Variants in ERBB4 observed in about 807,000 individuals in gnomAD.
ERBB4 encodes the protein erb-b2 receptor tyrosine kinase 4.
A neutral mutation model predicts 158.0 loss-of-function variants in ERBB4; 42 were observed. The ratio of observed to expected loss-of-function variants is 0.27; its 90% CI spans 0.21 to 0.34. The LOEUF (loss-of-function observed/expected upper bound fraction) is 0.34. ERBB4 is among the 10% of genes least tolerant of loss of function. The probability of loss-of-function intolerance (pLI) is 1.00; values close to 1 mark genes in which losing one functional copy is unlikely to be tolerated. For synonymous variants in ERBB4, 583 were observed against 558.7 expected (o/e 1.04, Z -0.61); for missense variants, 1,333 against 1,624.1 (o/e 0.82, Z 3.08).
At chr2:212,524,685 A>T (rs1026555841) in intron 1 of ERBB4, among the ~76,000 whole-genome samples, 10 of 151,490 alleles carry the variant, frequency 6.6e-5, no homozygotes, top group African/African-American at 2.4e-4. Flanking sequence ...TGTTTAAGTC[A>T]TTTTTTTTAA....
chr2:211,703,348 CT>C (rs1218923915), intron 11 of ERBB4, among the ~76,000 whole-genome samples: 1 of 152,106 alleles, frequency 6.6e-6, no homozygotes, highest in Non-Finnish European at 1.5e-5. Context: ...CTCCTTTCTC[CT>C]TTACATTTTT....
intron 1 of ERBB4, among the ~76,000 whole-genome samples, chr2:212,336,213 C>T (rs1025878064): frequency 6.6e-6 from 1 of 151,996 alleles, no homozygotes; most frequent in Non-Finnish European, 1.5e-5. Context: ...TTTCAATCAG[C>T]TTCCTTTAAT....
At chr2:211,681,274 T>C (rs910226346) in intron 12 of ERBB4, among the ~76,000 whole-genome samples, 1 of 152,204 alleles carries the variant, frequency 6.6e-6, no homozygotes, top group Non-Finnish European at 1.5e-5. Flanking sequence ...ACATTTAGAC[T>C]GTTCCATTTT....
At chr2:212,281,018 T>C (rs2085737200) in intron 1 of ERBB4, among the ~76,000 whole-genome samples, 1 of 151,676 alleles carries the variant, frequency 6.6e-6, no homozygotes, top group African/African-American at 2.4e-5. Context: ...ATAAGAAAAT[T>C]TTTTTTGTAA....
intron 1 of ERBB4, among the ~76,000 whole-genome samples, chr2:212,478,179 G>C (rs1169952356): frequency 6.6e-6 from 1 of 152,058 alleles, no homozygotes; most frequent in Non-Finnish European, 1.5e-5. Context: ...CCCAATTTCA[G>C]AAAGTCTAAT....
chr2:212,371,786 A>G (rs998401054), intron 1 of ERBB4, among the ~76,000 whole-genome samples: 4 of 152,148 alleles, frequency 2.6e-5, no homozygotes, highest in African/African-American at 9.7e-5. Flanking sequence ...AAACCATGAA[A>G]AGTCTTACTT....
At chr2:211,785,912 G>A (rs1274350000) in intron 4 of ERBB4, among the ~76,000 whole-genome samples, 1 of 151,764 alleles carries the variant, frequency 6.6e-6, no homozygotes, top group Non-Finnish European at 1.5e-5. Flanking sequence ...TATTTGTTTT[G>A]TGCTCATTTT....
At chr2:211,707,480 A>G (rs2073494254) in intron 9 of ERBB4, among the ~76,000 whole-genome samples, 1 of 152,184 alleles carries the variant, frequency 6.6e-6, no homozygotes, top group Non-Finnish European at 1.5e-5. Flanking sequence ...TTTCATTTCC[A>G]CTGAAATCAC....
chr2:212,038,273 A>C (rs2077060731), intron 2 of ERBB4, among the ~76,000 whole-genome samples: 1 of 152,032 alleles, frequency 6.6e-6, no homozygotes, highest in Admixed American at 6.6e-5. Context: ...TATATATATG[A>C]AGAAAAAATC....
intron 12 of ERBB4, among the ~76,000 whole-genome samples, chr2:211,700,752 C>T (rs1265642186): frequency 6.6e-6 from 1 of 152,050 alleles, no homozygotes; most frequent in Non-Finnish European, 1.5e-5. Context: ...CACACAAACT[C>T]AATCATTATT....
chr2:212,071,704 G>A (rs944329006), intron 2 of ERBB4, among the ~76,000 whole-genome samples: 2 of 151,966 alleles, frequency 1.3e-5, no homozygotes, highest in African/African-American at 4.8e-5. Context: ...TGTCATGACA[G>A]CAGTTTGCAG....
rs186372731 is a variant in ERBB4 at position 212,005,916 on chromosome 2, T to C, written c.235-58300A>G. On this transcript the variant is annotated intron_variant, in intron 2 of 27. Coordinates refer to ENST00000342788, the MANE Select transcript of ERBB4 (RefSeq NM_005235.3). The stretch of plus-strand genomic sequence containing the variant: ...CCAAGGCAACATAGCAAGTCCTCAA[T>C]TCTACTTAAAAAATAAATACATAAA... Among the ~76,000 whole-genome samples the C allele has an allele frequency of 3.9e-5, 6 of 152,168 alleles. No individual in the cohort carries two copies. In the East Asian group the frequency reaches 1.2e-3, roughly 29 times the overall value.
At position 211,424,061 on chromosome 2, in the gene ERBB4, T is replaced by A. The variant is rs1022213754; in HGVS notation, c.2866+94A>T. The A allele has an allele frequency of 1.1e-5, 14 of 1,284,922 alleles. No homozygotes were observed. In the South Asian group the frequency reaches 1.7e-4, roughly 15 times the overall value. The allele number at this position is 1,284,922 out of a possible 1,614,324, so 79.6% of individuals were successfully genotyped here. On this transcript the variant is annotated intron_variant, in intron 23 of 27. Transcript: ENST00000342788. ...CATAATTGTTTTTGAACTGTCGTAT[T>A]TTTCAATACAGAGAAATGTTGTACA...
intron 19 of ERBB4, among the ~76,000 whole-genome samples, chr2:211,607,326 T>C (rs1437344776): frequency 6.6e-6 from 1 of 152,174 alleles, no homozygotes; most frequent in Non-Finnish European, 1.5e-5. Context: ...CAATATTAGC[T>C]GACCAGTATC....
intron 1 of ERBB4, among the ~76,000 whole-genome samples, chr2:212,309,928 T>C (rs2086965570): frequency 6.6e-6 from 1 of 150,600 alleles, no homozygotes; most frequent in South Asian, 2.1e-4. Flanking sequence ...ACTAAAATTG[T>C]ATATCAACAT....
chr2:211,595,088 A>C, intron 19 of ERBB4, among the ~76,000 whole-genome samples: 1 of 152,224 alleles, frequency 6.6e-6, no homozygotes, highest in East Asian at 1.9e-4. Flanking sequence ...GTTCATAATA[A>C]ATTTGTTTGA....
intron 1 of ERBB4, among the ~76,000 whole-genome samples, chr2:212,268,770 T>A (rs1252824335): frequency 6.6e-6 from 1 of 151,866 alleles, no homozygotes; most frequent in Non-Finnish European, 1.5e-5. Flanking sequence ...GATTTGATCC[T>A]TGGGTAATAG....
intron 1 of ERBB4, among the ~76,000 whole-genome samples, chr2:212,206,594 T>C (rs1407004428): frequency 3.7e-5 from 2 of 53,818 alleles, no homozygotes; most frequent in Admixed American, 2.6e-4. Context: ...CTGTTCTTTT[T>C]TTTTTTTTTT....
In ERBB4 at chr2:211,861,016, TTA is replaced by T. The variant is rs1210123992; in HGVS notation, c.422-72859_422-72858del. 2.6e-3 allele frequency among the ~76,000 whole-genome samples: 36 copies of T among 13,770 alleles called. 4 individuals are homozygous for T. Among genetic ancestry groups the T allele is most frequent in the South Asian group, 0.021 (11 of 522 alleles). The allele number at this position is 13,770 out of a possible 152,430, so 9.0% of individuals were successfully genotyped here. A position where few individuals can be genotyped will look rare whatever the true frequency, so the allele number is the denominator to read the frequency against. On this transcript the variant is annotated intron_variant, in intron 3 of 27. Coordinates refer to ENST00000342788, the MANE Select transcript of ERBB4 (RefSeq NM_005235.3). ...TATAATATATTATATATTTATATATTTATATATATATAAATATAATATATTTA... is the reference window on the plus strand; with the variant it reads ...TATAATATATTATATATTTATATATTTATATATATAAATATAATATATTTA...
Sources: allele counts gnomAD v4.1 joint callset (sites outside exome capture counted in the v4.1 genomes callset), GRCh38; gene constraint gnomAD v4.1.1; transcripts MANE v1.5; gene names NCBI Gene and HGNC (gene_info 2026-07-23, HGNC 2026-07-21).